Variants in RNF135 observed in about 807,000 individuals in gnomAD.
RNF135 encodes ring finger protein 135.
Under a neutral mutation model 41.9 loss-of-function variants are expected in RNF135, and 46 were observed. That is an observed-to-expected ratio of 1.10 (90% CI 0.87 to 1.40). The LOEUF is 1.40. Among genes scored for constraint, RNF135 ranks in the 40% most tolerant of loss-of-function variants. The pLI is 0.00. For missense variants in RNF135, 539 were observed against 549.8 expected (o/e 0.98, Z 0.20); for synonymous variants, 238 against 223.8 (o/e 1.06, Z -0.57).
chr17:30,970,865 G>C (rs1169779467), upstream of RNF135: 20 of 695,716 alleles, frequency 2.9e-5, no homozygotes, highest in South Asian at 5.9e-5. Flanking sequence ...CGCCACTGAA[G>C]GTCAGCTCTG....
At chr17:30,984,541 A>G (rs752341153) in intron 1 of RNF135, 76 bp from the exon 2 acceptor site, 40 of 1,487,558 alleles carry the variant, frequency 2.7e-5, no homozygotes, top group African/African-American at 1.4e-5. Context: ...CACAGTATTT[A>G]TGATTCCCTC....
intron 3 of RNF135, among the ~76,000 whole-genome samples, chr17:30,992,160 G>A (rs1024745413): frequency 6.6e-6 from 1 of 151,940 alleles, no homozygotes; most frequent in African/African-American, 2.4e-5. Context: ...TCAAACTCTT[G>A]ACCTCAGGTG....
At chr17:30,971,538 T>C (rs929558491) in intron 1 of RNF135, 93 bp downstream of exon 1, 4 of 1,385,786 alleles carry the variant, frequency 2.9e-6, no homozygotes, top group African/African-American at 3.1e-5. Context: ...TCCTCAGCCG[T>C]TCTACTTTTA....
the RNF135 span, among the ~76,000 whole-genome samples, chr17:30,963,090 T>A: frequency 6.8e-6 from 1 of 146,364 alleles, no homozygotes; most frequent in Non-Finnish European, 1.5e-5. Flanking sequence ...TTTGATTCCC[T>A]AGCTTTTTTT....
At chr17:30,967,618 A>G (rs1905603060), upstream of RNF135, among the ~76,000 whole-genome samples, 1 of 152,174 alleles carries the variant, frequency 6.6e-6, no homozygotes, top group African/African-American at 2.4e-5. Context: ...ACTTTCATGC[A>G]TGAAATATAT....
At chr17:30,977,610 G>A (rs1276920620) in intron 1 of RNF135, among the ~76,000 whole-genome samples, 2 of 152,150 alleles carry the variant, frequency 1.3e-5, no homozygotes, top group African/African-American at 4.8e-5. Context: ...CTGACCTCAA[G>A]TGATCTGCCC....
At position 30,999,301 on chromosome 17, in the gene RNF135, A is replaced by G. The variant is rs1223366509; in HGVS notation, c.*110A>G. 1.7e-5 allele frequency: 21 copies of G among 1,232,002 alleles called. No homozygotes were observed. Among genetic ancestry groups the G allele is most frequent in the Non-Finnish European group, 2.3e-5 (20 of 868,036 alleles). The allele number at this position is 1,232,002 out of a possible 1,614,324, so 76.3% of individuals were successfully genotyped here. ...ACTTTTTAGAAAAATTACGATAGAG[A>G]TGGGATCTCACTAGGTTGCCCAGGC... is the stretch of plus-strand genomic sequence containing the variant. On this transcript the variant is annotated 3_prime_UTR_variant, in exon 5 of 5. Transcript: ENST00000328381.
chr17:30,987,928 A>G lies in RNF135; in HGVS notation c.517-16A>G. On this transcript the variant is annotated splice_polypyrimidine_tract_variant and intron_variant, in intron 2 of 4. Transcript: ENST00000328381. ...GGGGACTTCCATTTATTCAGTTTTAAATGGTTTATCAATAGGCTTTTTCTT... is the reference window on the plus strand; with the variant it reads ...GGGGACTTCCATTTATTCAGTTTTAGATGGTTTATCAATAGGCTTTTTCTT... 6.2e-7 allele frequency: 1 copy of G among 1,612,866 alleles called. No homozygotes were observed. Among genetic ancestry groups the G allele is most frequent in the Non-Finnish European group, 8.5e-7 (1 of 1,178,842 alleles).
At chr17:30,962,699 C>T in the RNF135 span, among the ~76,000 whole-genome samples, 18 of 152,062 alleles carry the variant, frequency 1.2e-4, no homozygotes, top group East Asian at 1.9e-3. Flanking sequence ...CTCCAGAATT[C>T]GTGATCTGCC....
At chr17:30,962,943 T>C in the RNF135 span, among the ~76,000 whole-genome samples, 1 of 152,176 alleles carries the variant, frequency 6.6e-6, no homozygotes, top group Non-Finnish European at 1.5e-5. Flanking sequence ...GTCAGTATTT[T>C]TTATTTTAAC....
intron 1 of RNF135, among the ~76,000 whole-genome samples, chr17:30,979,573 C>T (rs867248804): frequency 3.3e-5 from 2 of 60,830 alleles, no homozygotes; most frequent in Non-Finnish European, 6.8e-5. Flanking sequence ...GCGGCTGGCC[C>T]GGCAGAGGGG....
intron 1 of RNF135, among the ~76,000 whole-genome samples, chr17:30,977,207 A>G (rs1906536537): frequency 6.6e-6 from 1 of 152,308 alleles, no homozygotes; most frequent in Non-Finnish European, 1.5e-5. Flanking sequence ...GAACTACCTA[A>G]CAAGCAAAAA....
At position 30,984,649 on chromosome 17, in the gene RNF135, T is replaced by C; in HGVS notation, c.405T>C (p.Ala135=). 6.2e-7 allele frequency: 1 copy of C among 1,614,136 alleles called. No individual in the cohort carries two copies. Among genetic ancestry groups the C allele is most frequent in the Non-Finnish European group, 8.5e-7 (1 of 1,180,028 alleles). The part of the protein sequence containing the change: ...VAVEKSITEV[A]QELTELVEHL... ...TAGAGAAGAGCATCACAGAAGTTGCTCAGGAGCTGACAGAGCTGGTGGAAC... is the reference window on the plus strand; with the variant it reads ...TAGAGAAGAGCATCACAGAAGTTGCCCAGGAGCTGACAGAGCTGGTGGAAC... The change falls in exon 2 of 5, where the codon GCT becomes GCC. Residue 135 remains alanine (A), a synonymous_variant. Transcript: ENST00000328381.
chr17:30,959,145 C>G, the RNF135 span: 1 of 152,184 alleles, frequency 6.6e-6, no homozygotes, highest in Non-Finnish European at 1.5e-5. Context: ...GTGTACTCTG[C>G]TAAGTTCTGG....
At chr17:30,974,688 ATTT>A (rs887519982) in intron 1 of RNF135, among the ~76,000 whole-genome samples, 19 of 145,378 alleles carry the variant, frequency 1.3e-4, no homozygotes, top group African/African-American at 3.9e-4. Flanking sequence ...TATTATTATT[ATTT>A]TTTTTTGAGA....
Position 30,983,353 on chromosome 17 carries a change from ATTTTTT to A in RNF135, c.373-1251_373-1246del, listed in dbSNP as rs1192298651. On this transcript the variant is annotated intron_variant, in intron 1 of 4. Coordinates refer to ENST00000328381, the MANE Select transcript of RNF135 (RefSeq NM_032322.4). The stretch of plus-strand genomic sequence containing the variant: ...TATATATATATATATATATATATAT[ATTTTTT>A]TTTTTTTTTTTTGAGATGGAGTCTG... Among the ~76,000 whole-genome samples, 264 of 35,708 alleles carry A rather than the reference ATTTTTT, an allele frequency of 7.4e-3. 1 individual carries two copies. The highest frequency in any genetic ancestry group is 0.024 in the Middle Eastern group (1 of 42). 23.4% of individuals were successfully genotyped at this position (35,708 alleles called of 152,430 possible).
upstream of RNF135, among the ~76,000 whole-genome samples, chr17:30,966,428 T>A (rs9674882): frequency 2.7e-5 from 4 of 146,182 alleles, no homozygotes; most frequent in African/African-American, 1.1e-4. Flanking sequence ...TTTTATTTAT[T>A]TTTATGTATT....
intron 1 of RNF135, chr17:30,975,451 G>A (rs1906360427): frequency 1.3e-6 from 1 of 775,524 alleles, no homozygotes; most frequent in Non-Finnish European, 2.4e-6. Flanking sequence ...AATGAACTGT[G>A]TTCACTGAGA....
chr17:30,964,465 G>A, the RNF135 span, among the ~76,000 whole-genome samples: 95 of 150,634 alleles, frequency 6.3e-4, no homozygotes, highest in African/African-American at 2.0e-3. Context: ...TAGGCCGAGC[G>A]TGGTGGTTCA....
Sources: allele counts gnomAD v4.1 joint callset (sites outside exome capture counted in the v4.1 genomes callset), GRCh38; gene constraint gnomAD v4.1.1; transcripts MANE v1.5; gene names NCBI Gene and HGNC (gene_info 2026-07-23, HGNC 2026-07-21).